The following GTF2H4 variants were observed in gnomAD, a reference collection of about 807,000 sequenced individuals.
GTF2H4 encodes the protein general transcription factor IIH subunit 4, also known as BTF2 p52.
In GTF2H4, 49 loss-of-function variants were observed where a neutral mutation model predicts 62.2. The ratio of observed to expected loss-of-function variants is 0.79; its 90% CI spans 0.63 to 1.00. The LOEUF (loss-of-function observed/expected upper bound fraction) is 1.00, where lower values mean the gene tolerates loss of function less well. Ranked by LOEUF, GTF2H4 falls within the 50% of genes least tolerant of loss-of-function variation. The pLI is 0.00. For missense variants in GTF2H4, 479 were observed against 587.8 expected (o/e 0.81, Z 1.91); for synonymous variants, 189 against 233.8 (o/e 0.81, Z 1.75).
rs1582150815 is a variant in GTF2H4, at chr6:30,909,370, T to C, written c.138-65T>C. On this transcript the variant is annotated intron_variant, in intron 2 of 13. Transcript: ENST00000259895. This position sits in a 1 kb window ranked among gnomAD's most constrained non-coding sequence, Gnocchi z 4.3. Reference sequence around the variant, plus strand: ...TGAGATGAGATGTTTGAGAGGTAATTGAGGGCAGAGATGCAGATACAATGC... The same window carrying C: ...TGAGATGAGATGTTTGAGAGGTAATCGAGGGCAGAGATGCAGATACAATGC... The C allele has an allele frequency of 7.9e-6, 10 of 1,273,308 alleles. No individual in the cohort carries two copies. In the East Asian group the frequency reaches 2.3e-4, roughly 30 times the overall value. The allele number at this position is 1,273,308 out of a possible 1,614,324, so 78.9% of individuals were successfully genotyped here. A position where few individuals can be genotyped will look rare whatever the true frequency, so the allele number is the denominator to read the frequency against.
At position 30,913,080 on chromosome 6, in the gene GTF2H4, C is replaced by G. The variant is rs377468789; in HGVS notation, c.1090-30C>G. The G allele has an allele frequency of 2.6e-5, 42 of 1,612,178 alleles. No individual in the cohort carries two copies. In the African/African-American group the frequency reaches 5.3e-4, roughly 21 times the overall value. On this transcript the variant is annotated intron_variant, in intron 11 of 13. Transcript: ENST00000259895. This position sits in a 1 kb window ranked among gnomAD's most constrained non-coding sequence, Gnocchi z 4.2. Reference sequence around the variant, plus strand: ...TGGCTTTCCTGCCTTCTTGCTGGAGCCCTCATGCCATTCTTGTCTGTTTTC... The same window carrying G: ...TGGCTTTCCTGCCTTCTTGCTGGAGGCCTCATGCCATTCTTGTCTGTTTTC...
At position 30,909,512 on chromosome 6, in the gene GTF2H4, C is replaced by G. The variant is rs1793680819; in HGVS notation, c.215C>G (p.Ala72Gly). ...CAGCCTTTGCCACAGGCTGCTGTAGCTCTGTGGGTAAAGAAGGAATTCAGC... is the reference window on the plus strand; with the variant it reads ...CAGCCTTTGCCACAGGCTGCTGTAGGTCTGTGGGTAAAGAAGGAATTCAGC... ...LEQPLPQAAV[A>G]LWVKKEFSKA... Residue 72 changes from alanine (A) to glycine (G), a missense_variant, in exon 3 of 14, where the codon GCT becomes GGT. Coordinates refer to ENST00000259895, the MANE Select transcript of GTF2H4 (RefSeq NM_001517.5). The surrounding 1 kb of genome is among the most constrained non-coding windows in gnomAD (Gnocchi z 4.3). 1 of 1,609,740 alleles carries G rather than the reference C, an allele frequency of 6.2e-7. No individual in the cohort carries two copies. The highest frequency in any genetic ancestry group is 8.5e-7 in the Non-Finnish European group (1 of 1,177,150).
Position 30,911,670 on chromosome 6 carries a change from CCT to C in GTF2H4, c.742-11_742-10del. 1.2e-6 allele frequency: 2 copies of C among 1,608,036 alleles called. No homozygotes were observed. The highest frequency in any genetic ancestry group is 1.7e-6 in the Non-Finnish European group (2 of 1,175,520). ...TTGTGTTTTGGACCCCAGCTGGAAACCTCTGTTCCTCAGGATTACTCTGTGGA... is the reference window on the plus strand; with the variant it reads ...TTGTGTTTTGGACCCCAGCTGGAAACCTGTTCCTCAGGATTACTCTGTGGA... On this transcript the variant is annotated splice_polypyrimidine_tract_variant and intron_variant, in intron 8 of 13. Coordinates refer to ENST00000259895, the MANE Select transcript of GTF2H4 (RefSeq NM_001517.5). The surrounding 1 kb of genome is among the most constrained non-coding windows in gnomAD (Gnocchi z 4.3).
intron 1 of GTF2H4, 100 bp from the exon 2 acceptor site, chr6:30,908,934 G>A: frequency 3.0e-6 from 4 of 1,322,346 alleles, no homozygotes; most frequent in Admixed American, 1.7e-5. Context: ...GAAAAGGTGG[G>A]GTTATTGTGG....
At position 30,910,204 on chromosome 6, in the gene GTF2H4, A is replaced by G. The variant is rs1793705208; in HGVS notation, c.374+141A>G. ...CACGTTGGGAACTCCTTTAGGAGTAAGTTGGACCAGATGTAGTGTGTGGTG... is the reference window on the plus strand; with the variant it reads ...CACGTTGGGAACTCCTTTAGGAGTAGGTTGGACCAGATGTAGTGTGTGGTG... On this transcript the variant is annotated intron_variant, in intron 4 of 13. Coordinates refer to ENST00000259895, the MANE Select transcript of GTF2H4 (RefSeq NM_001517.5). The surrounding 1 kb of genome is among the most constrained non-coding windows in gnomAD (Gnocchi z 4.7). 7.2e-6 allele frequency: 6 copies of G among 836,872 alleles called. No individual in the cohort carries two copies. The highest frequency in any genetic ancestry group is 7.6e-6 in the Non-Finnish European group (4 of 524,430). 51.8% of individuals were successfully genotyped at this position (836,872 alleles called of 1,614,324 possible).
In GTF2H4 at chr6:30,913,846, T is replaced by A. The variant is rs775455583; in HGVS notation, c.1252T>A (p.Phe418Ile). 6.2e-7 allele frequency: 1 copy of A among 1,605,258 alleles called. No homozygotes were observed. Among genetic ancestry groups the A allele is most frequent in the Admixed American group, 1.7e-5 (1 of 59,332 alleles). Reference sequence around the variant, plus strand: ...TAACCAGTTCCTGTCGCAAGTGGACTTTGAGCTGCTGCTGGCCCACGCGCG... The same window carrying A: ...TAACCAGTTCCTGTCGCAAGTGGACATTGAGCTGCTGCTGGCCCACGCGCG... ...LYNQFLSQVD[F>I]ELLLAHAREL... is the part of the protein sequence containing the mutation. Residue 418 changes from phenylalanine (F) to isoleucine (I), a missense_variant, in exon 14 of 14, where the codon TTT (phenylalanine) becomes ATT (isoleucine). Phe to Ile is a conservative substitution (Grantham distance 21). Coordinates refer to ENST00000259895, the MANE Select transcript of GTF2H4 (RefSeq NM_001517.5). This position sits in a 1 kb window ranked among gnomAD's most constrained non-coding sequence, Gnocchi z 4.2.
At position 30,913,300 on chromosome 6, in the gene GTF2H4, T is replaced by G; in HGVS notation, c.1138-9T>G. On this transcript the variant is annotated splice_polypyrimidine_tract_variant and intron_variant, in intron 12 of 13. Coordinates refer to ENST00000259895, the MANE Select transcript of GTF2H4 (RefSeq NM_001517.5). The surrounding 1 kb of genome is among the most constrained non-coding windows in gnomAD (Gnocchi z 4.2). Reference sequence around the variant, plus strand: ...CTGAGTCCCTACAGTCAACCCTTGCTCCTTGCAGACACCTGTGCTGCCCCC... The same window carrying G: ...CTGAGTCCCTACAGTCAACCCTTGCGCCTTGCAGACACCTGTGCTGCCCCC... 1 of 1,613,926 alleles carries G rather than the reference T, an allele frequency of 6.2e-7. No homozygotes were observed.
In GTF2H4 at chr6:30,909,262, G is replaced by C; in HGVS notation, c.137+89G>C. On this transcript the variant is annotated intron_variant, in intron 2 of 13. Coordinates refer to ENST00000259895, the MANE Select transcript of GTF2H4 (RefSeq NM_001517.5). The surrounding 1 kb of genome is among the most constrained non-coding windows in gnomAD (Gnocchi z 4.3). ...GGTAAAAGTGTAGCAGCCTGGAGTC[G>C]GGGTGGGGACTGGGGGCAAGGGTTG... 1.4e-6 allele frequency: 2 copies of C among 1,472,852 alleles called. No individual in the cohort carries two copies. Among genetic ancestry groups the C allele is most frequent in the Non-Finnish European group, 1.8e-6 (2 of 1,094,170 alleles). The allele number at this position is 1,472,852 out of a possible 1,614,324, so 91.2% of individuals were successfully genotyped here.
Position 30,910,864 on chromosome 6 carries a change from C to G in GTF2H4, c.483C>G (p.His161Gln), listed in dbSNP as rs761145073. The change falls in exon 6 of 14, where the codon CAC (histidine) becomes CAG (glutamine). Residue 161 changes from histidine to glutamine, a missense_variant. Transcript: ENST00000259895. This position sits in a 1 kb window ranked among gnomAD's most constrained non-coding sequence, Gnocchi z 4.7. ...CTTCTGTTCTTCAGGTGGTCTTGCA[C>G]TTCATGGTGGGCTCCCCCAGTGCAG... The part of the protein sequence containing the change: ...YAEERWEVVL[H>Q]FMVGSPSAAV... 8 of 1,612,278 alleles carry G rather than the reference C, an allele frequency of 5.0e-6. No individual in the cohort carries two copies. In the South Asian group the frequency reaches 7.7e-5, roughly 16 times the overall value.
At position 30,913,514 on chromosome 6, in the gene GTF2H4, TG is replaced by T; in HGVS notation, c.1216+131del. 9.1e-7 allele frequency: 1 copy of T among 1,096,148 alleles called. No individual in the cohort carries two copies. The highest frequency in any genetic ancestry group is 1.3e-6 in the Non-Finnish European group (1 of 764,264). The allele number at this position is 1,096,148 out of a possible 1,614,324, so 67.9% of individuals were successfully genotyped here. A position where few individuals can be genotyped will look rare whatever the true frequency, so the allele number is the denominator to read the frequency against. On this transcript the variant is annotated intron_variant, in intron 13 of 13. Coordinates refer to ENST00000259895, the MANE Select transcript of GTF2H4 (RefSeq NM_001517.5). This position sits in a 1 kb window ranked among gnomAD's most constrained non-coding sequence, Gnocchi z 4.2. ...CTGGCAAGACAGTTTTTTGTTGTTTTGGGGTGAGTCGGTAGTAAACAAATCG... is the reference window on the plus strand; with the variant it reads ...CTGGCAAGACAGTTTTTTGTTGTTTTGGGTGAGTCGGTAGTAAACAAATCG...
Position 30,909,094 on chromosome 6 carries a change from C to T in GTF2H4, c.58C>T (p.Gln20Ter). The change falls in exon 2 of 14, where the codon CAG becomes TAG. Residue 20 changes from glutamine to a stop codon, truncating the protein, a stop_gained. Coordinates refer to ENST00000259895, the MANE Select transcript of GTF2H4 (RefSeq NM_001517.5). LOFTEE classifies it high-confidence loss of function. This position sits in a 1 kb window ranked among gnomAD's most constrained non-coding sequence, Gnocchi z 4.3. ...NRVHLQCRNL[Q>*]EFLGGLSPGV... ...AGTACACCTACAATGCAGGAATCTG[C>T]AGGAATTCTTAGGGGGCCTGAGCCC... is the stretch of plus-strand genomic sequence containing the variant. 6.2e-7 allele frequency: 1 copy of T among 1,614,086 alleles called. No homozygotes were observed. Among genetic ancestry groups the T allele is most frequent in the Non-Finnish European group, 8.5e-7 (1 of 1,179,996 alleles).
In GTF2H4 at chr6:30,914,028, G is replaced by T; in HGVS notation, c.*45G>T. The T allele has an allele frequency of 6.7e-7, 1 of 1,483,016 alleles. No individual in the cohort carries two copies. The highest frequency in any genetic ancestry group is 1.2e-5 in the South Asian group (1 of 80,358). 91.9% of individuals were successfully genotyped at this position (1,483,016 alleles called of 1,614,324 possible). A position where few individuals can be genotyped will look rare whatever the true frequency, so the allele number is the denominator to read the frequency against. On this transcript the variant is annotated 3_prime_UTR_variant, in exon 14 of 14. Transcript: ENST00000259895. ...GGACCTCGGCGGGCGGGACTGGGCG[G>T]GGCGGGGCATCAGAACTCAGGTGTT...
Position 30,914,005 on chromosome 6 carries a change from A to G in GTF2H4, c.*22A>G. 1 of 1,402,408 alleles carries G rather than the reference A, an allele frequency of 7.1e-7. No homozygotes were observed. The highest frequency in any genetic ancestry group is 9.9e-7 in the Non-Finnish European group (1 of 1,009,750). The allele number at this position is 1,402,408 out of a possible 1,614,324, so 86.9% of individuals were successfully genotyped here. A position where few individuals can be genotyped will look rare whatever the true frequency, so the allele number is the denominator to read the frequency against. On this transcript the variant is annotated 3_prime_UTR_variant, in exon 14 of 14. Coordinates refer to ENST00000259895, the MANE Select transcript of GTF2H4 (RefSeq NM_001517.5). ...CTGAGAGCGCGGGACTTGGACACGGACCTCGGCGGGCGGGACTGGGCGGGG... is the reference window on the plus strand; with the variant it reads ...CTGAGAGCGCGGGACTTGGACACGGGCCTCGGCGGGCGGGACTGGGCGGGG...
chr6:30,909,993 C>G lies in GTF2H4; in HGVS notation c.304C>G (p.Pro102Ala), dbSNP rs1448141755. 1 of 1,613,004 alleles carries G rather than the reference C, an allele frequency of 6.2e-7. No individual in the cohort carries two copies. Among genetic ancestry groups the G allele is most frequent in the Admixed American group, 1.7e-5 (1 of 60,022 alleles). Residue 102 changes from proline (P) to alanine (A), a missense_variant, in exon 4 of 14, where the codon CCA becomes GCA. Pro to Ala is a conservative substitution (Grantham distance 27). Transcript: ENST00000259895. This position sits in a 1 kb window ranked among gnomAD's most constrained non-coding sequence, Gnocchi z 4.3. ...GLRIWHTQLLPGGLQGLILNP... is the reference protein window; with the variant it reads ...GLRIWHTQLLAGGLQGLILNP... ...CCGGATCTGGCACACACAGCTGCTC[C>G]CAGGCGGGCTCCAGGGCCTCATCCT... is the stretch of plus-strand genomic sequence containing the variant.
In GTF2H4 at chr6:30,912,074, G is replaced by A; in HGVS notation, c.886G>A (p.Gly296Arg). Reference protein sequence around the residue: ...LAINLSSGVSGAGGTVHQPGF... With the variant: ...LAINLSSGVSRAGGTVHQPGF... ...CATCAATCTCTCATCAGGTGTCTCT[G>A]GAGCTGGGGGCACTGTGCATCAGCC... Residue 296 changes from glycine (G) to arginine (R), a missense_variant, in exon 10 of 14, where the codon GGA (glycine) becomes AGA (arginine). Transcript: ENST00000259895. The surrounding 1 kb of genome is among the most constrained non-coding windows in gnomAD (Gnocchi z 4.8). 1 of 1,613,002 alleles carries A rather than the reference G, an allele frequency of 6.2e-7. No homozygotes were observed. The highest frequency in any genetic ancestry group is 8.5e-7 in the Non-Finnish European group (1 of 1,180,012).
At position 30,913,943 on chromosome 6, in the gene GTF2H4, A is replaced by T; in HGVS notation, c.1349A>T (p.Asp450Val). 1 of 1,606,168 alleles carries T rather than the reference A, an allele frequency of 6.2e-7. No individual in the cohort carries two copies. Among genetic ancestry groups the T allele is most frequent in the Non-Finnish European group, 8.5e-7 (1 of 1,176,570 alleles). Residue 450 changes from aspartate to valine, a missense_variant, in exon 14 of 14, where the codon GAC becomes GTC. Transcript: ENST00000259895. This position sits in a 1 kb window ranked among gnomAD's most constrained non-coding sequence, Gnocchi z 4.2. ...LMVVTPAGHS[D>V]VKRFWKRQKH... is the part of the protein sequence containing the mutation. ...GTGGTGACCCCGGCCGGGCACAGCG[A>T]CGTCAAGCGCTTTTGGAAGCGGCAG...
At position 30,911,047 on chromosome 6, in the gene GTF2H4, G is replaced by T; in HGVS notation, c.560+106G>T. ...GATCAGAGGACATTAGCTGGAAAAG[G>T]CAAGCTGAGTAGAATATAGCCAGAG... On this transcript the variant is annotated intron_variant, in intron 6 of 13. Transcript: ENST00000259895. The surrounding 1 kb of genome is among the most constrained non-coding windows in gnomAD (Gnocchi z 4.3). 7.5e-7 allele frequency: 1 copy of T among 1,328,978 alleles called. No homozygotes were observed. The highest frequency in any genetic ancestry group is 1.1e-6 in the Non-Finnish European group (1 of 936,486). The allele number at this position is 1,328,978 out of a possible 1,614,324, so 82.3% of individuals were successfully genotyped here. A position where few individuals can be genotyped will look rare whatever the true frequency, so the allele number is the denominator to read the frequency against.
chr6:30,911,966 A>G lies in GTF2H4; in HGVS notation c.826-48A>G. On this transcript the variant is annotated intron_variant, in intron 9 of 13. Coordinates refer to ENST00000259895, the MANE Select transcript of GTF2H4 (RefSeq NM_001517.5). The surrounding 1 kb of genome is among the most constrained non-coding windows in gnomAD (Gnocchi z 4.3). ...TCTGATATTTCAGGCAGGAAGATGT[A>G]AGGCAGTGACTTCTGAGACAAGGCA... is the stretch of plus-strand genomic sequence containing the variant. The G allele has an allele frequency of 6.2e-7, 1 of 1,603,548 alleles. No homozygotes were observed. The highest frequency in any genetic ancestry group is 8.5e-7 in the Non-Finnish European group (1 of 1,174,770).
At position 30,913,336 on chromosome 6, in the gene GTF2H4, G is replaced by A. The variant is rs747335226; in HGVS notation, c.1165G>A (p.Asp389Asn). 4.3e-6 allele frequency: 7 copies of A among 1,613,378 alleles called. No homozygotes were observed. The highest frequency in any genetic ancestry group is 1.3e-5 in the African/African-American group (1 of 75,034). The change falls in exon 13 of 14, where the codon GAC becomes AAC. Residue 389 changes from aspartate (D) to asparagine (N), a missense_variant. By Grantham distance (23) the Asp-to-Asn change is conservative (BLOSUM62 1). Transcript: ENST00000259895. This position sits in a 1 kb window ranked among gnomAD's most constrained non-coding sequence, Gnocchi z 4.2. The stretch of plus-strand genomic sequence containing the variant: ...ACCTGTGCTGCCCCCCACCATCACC[G>A]ACCAGATCCGGCTCTGGGAGCTGGA... The part of the protein sequence containing the change: ...QTPVLPPTIT[D>N]QIRLWELERD...
Sources: gnomAD v4.1 joint callset for allele counts on GRCh38, gnomAD v4.1.1 for gene constraint, Gnocchi (gnomAD v3.1) non-coding constraint, MANE v1.5 for transcripts, NCBI Gene and HGNC (gene_info 2026-07-23, HGNC 2026-07-21) for gene names.